The following CPAMD8 variants were observed in gnomAD, a reference collection of about 807,000 sequenced individuals.
The protein encoded by CPAMD8 is C3 and PZP like alpha-2-macroglobulin domain containing 8.
A neutral mutation model predicts 224.7 loss-of-function variants in CPAMD8; 146 were observed. The observed-to-expected ratio is 0.65, with a 90% CI of 0.57 to 0.75. The LOEUF is 0.75. CPAMD8 is among the 30% of genes least tolerant of loss of function. The pLI, the probability that CPAMD8 is intolerant of heterozygous loss-of-function variation, is 0.00. For synonymous variants in CPAMD8, 966 were observed against 1,044.6 expected (o/e 0.92, Z 1.45); for missense variants, 2,301 against 2,537.5 (o/e 0.91, Z 2.00).
chr19:17,012,589 T>G (rs2056691111), intron 3 of CPAMD8, among the ~76,000 whole-genome samples: 1 of 152,118 alleles, frequency 6.6e-6, no homozygotes, highest in African/African-American at 2.4e-5. Context: ...GCTCAAGCGA[T>G]CCTCCCACCT....
intron 21 of CPAMD8, 31 bp downstream of exon 21, chr19:16,947,043 G>C: frequency 6.4e-7 from 1 of 1,561,884 alleles, no homozygotes; most frequent in Non-Finnish European, 8.7e-7. Flanking sequence ...CCTGGAGAGG[G>C]GGGACACCCC....
intron 27 of CPAMD8, among the ~76,000 whole-genome samples, chr19:16,921,548 C>A (rs2053174845): frequency 6.6e-6 from 1 of 152,118 alleles, no homozygotes; most frequent in Non-Finnish European, 1.5e-5. Context: ...GCCTCTGACC[C>A]CTCTGCCCTG....
At chr19:16,935,976 G>T (rs111880316) in intron 23 of CPAMD8, among the ~76,000 whole-genome samples, 5,396 of 150,918 alleles carry the variant, frequency 0.036, 234 homozygotes, top group African/African-American at 0.1. Context: ...CGCCTAGGCT[G>T]GAGTGTGGTG....
rs772840254 is a variant in CPAMD8 at position 16,914,649 on chromosome 19, C to T, written c.3786+8G>A. 3.1e-6 allele frequency: 5 copies of T among 1,613,772 alleles called. No individual in the cohort carries two copies. The African/African-American group carries it at 4.0e-5, about 13-fold the overall frequency. On this transcript the variant is annotated splice_region_variant and intron_variant, in intron 28 of 41. Coordinates refer to ENST00000443236, the MANE Select transcript of CPAMD8 (RefSeq NM_015692.5). ...GGGCCCGGGAAGGAGGCTCAAGGGG[C>T]CACTCACCTGGATGTCCTTGTTCAG...
At chr19:16,920,560 A>T (rs2053133026) in intron 27 of CPAMD8, among the ~76,000 whole-genome samples, 1 of 151,702 alleles carries the variant, frequency 6.6e-6, no homozygotes, top group East Asian at 2.0e-4. Flanking sequence ...AGGTGTGTGC[A>T]CACTGAGTGT....
chr19:16,915,567 T>A (rs1172836665), intron 27 of CPAMD8, among the ~76,000 whole-genome samples: 1 of 151,988 alleles, frequency 6.6e-6, no homozygotes, highest in African/African-American at 2.4e-5. Context: ...ATCCACCCCA[T>A]CTCCCTTGCC....
chr19:16,999,537 A>G (rs2056242227), intron 10 of CPAMD8, among the ~76,000 whole-genome samples: 1 of 151,026 alleles, frequency 6.6e-6, no homozygotes, highest in Non-Finnish European at 1.5e-5. Flanking sequence ...GTGAGCCGAG[A>G]TCACGCCATT....
chr19:16,927,870 C>T (rs1393919062), intron 25 of CPAMD8, 139 bp downstream of exon 25: 5 of 666,390 alleles, frequency 7.5e-6, no homozygotes, highest in Non-Finnish European at 1.3e-5. Flanking sequence ...CTGGAAGCTG[C>T]TTGTCAGGTG....
At chr19:16,895,895 G>T in intron 41 of CPAMD8, 1 of 553,304 alleles carries the variant, frequency 1.8e-6, no homozygotes, top group South Asian at 1.5e-5. Flanking sequence ...GCGCGCGCGC[G>T]CGCGCACGCA....
chr19:16,931,547 C>T (rs1218229707), intron 23 of CPAMD8, among the ~76,000 whole-genome samples: 5 of 152,164 alleles, frequency 3.3e-5, no homozygotes, highest in Non-Finnish European at 7.4e-5. Context: ...AGCCCACTGC[C>T]CAGGGGCTCA....
Position 16,979,713 on chromosome 19 carries a change from G to A in CPAMD8, c.1585+784C>T, listed in dbSNP as rs372970677. Among the ~76,000 whole-genome samples, 25 of 152,294 alleles carry A rather than the reference G, an allele frequency of 1.6e-4. No homozygotes were observed. In the East Asian group the frequency reaches 4.4e-3, roughly 27 times the overall value. On this transcript the variant is annotated intron_variant, in intron 14 of 41. Coordinates refer to ENST00000443236, the MANE Select transcript of CPAMD8 (RefSeq NM_015692.5). ...TTGGCATCTATGGGGTGGAGGCCAG[G>A]GATGCTGCTCAATATCCTACAGTGC...
intron 17 of CPAMD8, among the ~76,000 whole-genome samples, chr19:16,972,142 G>T (rs758343555): frequency 6.6e-6 from 1 of 152,078 alleles, no homozygotes; most frequent in Non-Finnish European, 1.5e-5. Flanking sequence ...AAGGACCAAC[G>T]GTGGGATGCA....
intron 19 of CPAMD8, chr19:16,957,652 T>C: frequency 8.1e-6 from 5 of 617,854 alleles, no homozygotes; most frequent in Non-Finnish European, 1.4e-5. Flanking sequence ...CATTTCATAT[T>C]TCACAGGCAA....
chr19:16,970,334 C>T (rs1262589383), intron 18 of CPAMD8, among the ~76,000 whole-genome samples: 1 of 151,954 alleles, frequency 6.6e-6, no homozygotes, highest in Non-Finnish European at 1.5e-5. Context: ...CACCTGTAAT[C>T]CCAGCACTTT....
chr19:16,895,927 A>ACACACACACG (rs146763898), intron 41 of CPAMD8: 5 of 581,724 alleles, frequency 8.6e-6, no homozygotes, highest in African/African-American at 7.7e-5. Flanking sequence ...ACACACACAC[A>ACACACACACG]CGCGCGCGTG....
intron 15 of CPAMD8, 82 bp from the exon 16 acceptor site, chr19:16,976,233 T>C: frequency 1.6e-6 from 2 of 1,214,026 alleles, no homozygotes; most frequent in Non-Finnish European, 2.3e-6. Flanking sequence ...CCCAACACTT[T>C]GGGAGGCCGA....
chr19:16,957,858 GT>G lies in CPAMD8; in HGVS notation c.2270del (p.Asn757ThrfsTer13), dbSNP rs1220282322. 25 of 1,613,994 alleles carry G rather than the reference GT, an allele frequency of 1.5e-5. No homozygotes were observed. The highest frequency in any genetic ancestry group is 2.1e-5 in the Non-Finnish European group (25 of 1,180,010). The stretch of plus-strand genomic sequence containing the variant: ...GAAAAGAAATCTTAATGTACCTGAT[GT>G]TGAGACAATGCCAAATCCATGTTTC... ...FPETWIWHCL[N>X]ISDPSGEGTL... On this transcript the variant is annotated frameshift_variant, in exon 19 of 42. Coordinates refer to ENST00000443236, the MANE Select transcript of CPAMD8 (RefSeq NM_015692.5). LOFTEE classifies it high-confidence loss of function.
chr19:16,970,959 C>G lies in CPAMD8; in HGVS notation c.2145G>C (p.Glu715Asp). The G allele has an allele frequency of 1.9e-6, 3 of 1,613,964 alleles. No individual in the cohort carries two copies. The highest frequency in any genetic ancestry group is 1.6e-4 in the Middle Eastern group (1 of 6,062). ...HRQDGGLYTD[E>D]AVPAFQPHTG... ...TGTGGGGCTGGAAAGCGGGGACAGC[C>G]TCATCGGTGTAGAGGCCACCGTCCT... The change falls in exon 18 of 42, where the codon GAG (glutamate) becomes GAC (aspartate). Residue 715 changes from glutamate (E) to aspartate (D), a missense_variant. By Grantham distance (45) the Glu-to-Asp change is conservative. Transcript: ENST00000443236.
intron 19 of CPAMD8, 43 bp downstream of exon 19, chr19:16,957,810 A>G (rs754909410): frequency 6.2e-7 from 1 of 1,603,350 alleles, no homozygotes; most frequent in Admixed American, 1.7e-5. Flanking sequence ...AGTGTCTTTC[A>G]CTCAACCGGC....
Sources: allele counts gnomAD v4.1 joint callset (sites outside exome capture counted in the v4.1 genomes callset), GRCh38; gene constraint gnomAD v4.1.1; transcripts MANE v1.5; gene names NCBI Gene and HGNC (gene_info 2026-07-23, HGNC 2026-07-21).